The following DNAH1 variants were observed in gnomAD, a reference collection of about 807,000 sequenced individuals.
The protein encoded by DNAH1 is axonemal beta dynein heavy chain 1.
Under a neutral mutation model 484.3 loss-of-function variants are expected in DNAH1, and 327 were observed. That is an observed-to-expected ratio of 0.68 (90% CI 0.62 to 0.74). The LOEUF (loss-of-function observed/expected upper bound fraction) is 0.74. Among genes scored for constraint, DNAH1 ranks in the 30% least tolerant of loss-of-function variants. The pLI is 0.00. For missense variants in DNAH1, 5,052 were observed against 5,546.8 expected, an observed-to-expected ratio of 0.91 and a Z score of 2.83; for synonymous variants, 2,192 against 2,191.9, an observed-to-expected ratio of 1.00 and a Z score of 0.00.
In DNAH1 at chr3:52,373,257, C is replaced by A. The variant is rs1374659235; in HGVS notation, c.6985+204C>A. 2.7e-5 allele frequency among the ~76,000 whole-genome samples: 4 copies of A among 147,680 alleles called. No homozygotes were observed. In the East Asian group the frequency reaches 7.9e-4, roughly 29 times the overall value. The stretch of plus-strand genomic sequence containing the variant: ...CACGGCTGCCGCAGCCTCTGGAAGC[C>A]TGGAAAAGGGGAAGCGAGAGCAAGT... On this transcript the variant is annotated intron_variant, in intron 44 of 77. Transcript: ENST00000420323.
Position 52,328,102 on chromosome 3 carries a change from G to A in DNAH1, c.871+88G>A, listed in dbSNP as rs911184880. ...TCCTGGGCTCCCCTGGGACCTGGCAGCCACCGGAGGCGAGGGGTCTTTCAA... is the reference window on the plus strand; with the variant it reads ...TCCTGGGCTCCCCTGGGACCTGGCAACCACCGGAGGCGAGGGGTCTTTCAA... On this transcript the variant is annotated intron_variant, in intron 6 of 77. Coordinates refer to ENST00000420323, the MANE Select transcript of DNAH1 (RefSeq NM_015512.5). The A allele has an allele frequency of 7.2e-6, 11 of 1,535,104 alleles. No homozygotes were observed. In the Middle Eastern group the frequency reaches 1.5e-3, roughly 211 times the overall value.
At chr3:52,349,933 G>A (rs1702301699) in intron 14 of DNAH1, 56 bp from the exon 15 acceptor site, 1 of 1,551,050 alleles carries the variant, frequency 6.4e-7, no homozygotes, top group African/African-American at 1.4e-5. Flanking sequence ...AAGAGCAGGT[G>A]AGGGAAGGCA....
At chr3:52,323,002 T>G (rs2153222810) in intron 2 of DNAH1, among the ~76,000 whole-genome samples, 1 of 152,344 alleles carries the variant, frequency 6.6e-6, no homozygotes, top group Non-Finnish European at 1.5e-5. Flanking sequence ...AACTCATTAC[T>G]GAGCTCCTGC....
intron 60 of DNAH1, among the ~76,000 whole-genome samples, chr3:52,390,502 G>A (rs1264692321): frequency 3.3e-5 from 5 of 152,198 alleles, no homozygotes; most frequent in Non-Finnish European, 5.9e-5. Flanking sequence ...GGGAGAGTTG[G>A]CAAAGAGAGG....
In DNAH1 at chr3:52,394,661, G is replaced by A. The variant is rs775908803; in HGVS notation, c.10823G>A (p.Arg3608Gln). The change falls in exon 67 of 78, where the codon CGG becomes CAG. Residue 3608 changes from arginine (R) to glutamine (Q), a missense_variant and splice_region_variant. Arg to Gln is a conservative substitution (Grantham distance 43). Coordinates refer to ENST00000420323, the MANE Select transcript of DNAH1 (RefSeq NM_015512.5). ...RVIFDSLEPH[R>Q]EPLPGIWDQY... ...ATCTTCGACAGCCTTGAGCCCCACC[G>A]GTTAGCTGGGCCCCAGAATATGGCA... 38 of 1,561,472 alleles carry A rather than the reference G, an allele frequency of 2.4e-5. No homozygotes were observed. The highest frequency in any genetic ancestry group is 3.1e-5 in the Non-Finnish European group (36 of 1,150,012).
chr3:52,319,775 G>A (rs1171270186), intron 1 of DNAH1, among the ~76,000 whole-genome samples: 1 of 152,244 alleles, frequency 6.6e-6, no homozygotes, highest in African/African-American at 2.4e-5. Flanking sequence ...GGTGCACAGA[G>A]TTGGGGCAGG....
intron 4 of DNAH1, among the ~76,000 whole-genome samples, 188 bp from the exon 5 acceptor site, chr3:52,326,547 G>A (rs1324538257): frequency 1.3e-5 from 2 of 152,140 alleles, no homozygotes; most frequent in Admixed American, 1.3e-4. Flanking sequence ...CAGAAGGGCA[G>A]TTGGAGCCCA....
chr3:52,379,464 A>AG lies in DNAH1; in HGVS notation c.7378-436dup, dbSNP rs1190473474. Among the ~76,000 whole-genome samples, 1 of 152,006 alleles carries AG rather than the reference A, an allele frequency of 6.6e-6. No individual in the cohort carries two copies. Among genetic ancestry groups the AG allele is most frequent in the Non-Finnish European group, 1.5e-5 (1 of 67,994 alleles). ...CAGAGGCGGCAGCTGAGATGGAGAG[A>AG]GGGGGCAGGTTCAGAGGAGATTGGT... On this transcript the variant is annotated intron_variant, in intron 47 of 77. Coordinates refer to ENST00000420323, the MANE Select transcript of DNAH1 (RefSeq NM_015512.5). The surrounding 1 kb of genome is among the most constrained non-coding windows in gnomAD (Gnocchi z 4.4).
chr3:52,394,312 G>A (rs1009646368), intron 66 of DNAH1, among the ~76,000 whole-genome samples, 153 bp from the exon 67 acceptor site: 1 of 152,264 alleles, frequency 6.6e-6, no homozygotes, highest in East Asian at 1.9e-4. Flanking sequence ...GGCAGGGTGG[G>A]AACACTAACC....
In DNAH1 at chr3:52,356,612, A is replaced by G; in HGVS notation, c.3694-2A>G. The G allele has an allele frequency of 6.2e-7, 1 of 1,612,808 alleles. No homozygotes were observed. The highest frequency in any genetic ancestry group is 1.1e-5 in the South Asian group (1 of 91,046). ...ACCCCTCCCTGCCCCTCCCCTCCCCAGGAGGTTCTGGAGGAGTGGCTGAAC... is the reference window on the plus strand; with the variant it reads ...ACCCCTCCCTGCCCCTCCCCTCCCCGGGAGGTTCTGGAGGAGTGGCTGAAC... On this transcript the variant is annotated splice_acceptor_variant, in intron 21 of 77. Transcript: ENST00000420323. LOFTEE classifies it high-confidence loss of function.
intron 66 of DNAH1, 50 bp downstream of exon 66, chr3:52,393,535 C>T (rs1380331307): frequency 6.2e-7 from 1 of 1,605,888 alleles, no homozygotes; most frequent in Non-Finnish European, 8.5e-7. Flanking sequence ...GGCCCTGTGG[C>T]AGGGCCTGAG....
Position 52,363,012 on chromosome 3 carries a change from G to A in DNAH1, c.5112G>A (p.Val1704=). 1 of 1,613,952 alleles carries A rather than the reference G, an allele frequency of 6.2e-7. No individual in the cohort carries two copies. Among genetic ancestry groups the A allele is most frequent in the Non-Finnish European group, 8.5e-7 (1 of 1,179,858 alleles). The change falls in exon 32 of 78, where the codon GTG becomes GTA. Residue 1704 remains valine, a synonymous_variant. Transcript: ENST00000420323. ...PDNLKALFRP[V]AMMVPDYAMI... is the part of the protein sequence containing the mutation. Reference sequence around the variant, plus strand: ...TGTCCCAGGCGCTCTTCCGACCCGTGGCCATGATGGTTCCAGATTACGCCA... The same window carrying A: ...TGTCCCAGGCGCTCTTCCGACCCGTAGCCATGATGGTTCCAGATTACGCCA...
chr3:52,385,055 A>G, intron 53 of DNAH1, 78 bp downstream of exon 53: 1 of 1,472,702 alleles, frequency 6.8e-7, no homozygotes, highest in East Asian at 2.4e-5. Flanking sequence ...CTCCAGGGTG[A>G]CACCATGCTC....
rs756157075 is a variant in DNAH1 at position 52,381,661 on chromosome 3, T to C, written c.7630T>C (p.Tyr2544His). 1.9e-6 allele frequency: 3 copies of C among 1,606,774 alleles called. No individual in the cohort carries two copies. The highest frequency in any genetic ancestry group is 2.5e-6 in the Non-Finnish European group (3 of 1,176,986). Residue 2544 changes from tyrosine to histidine, a missense_variant, in exon 49 of 78, where the codon TAC becomes CAC. Physicochemically the swap from Tyr to His is moderately conservative, Grantham distance 83. Coordinates refer to ENST00000420323, the MANE Select transcript of DNAH1 (RefSeq NM_015512.5). The surrounding 1 kb of genome is among the most constrained non-coding windows in gnomAD (Gnocchi z 4.1). Reference sequence around the variant, plus strand: ...ACAGATGATGCAGGTGATAGAGGAGTACATAGAGGACTACAACCAGATCAA... The same window carrying C: ...ACAGATGATGCAGGTGATAGAGGAGCACATAGAGGACTACAACCAGATCAA... ...ESKMMQVIEE[Y>H]IEDYNQINTA...
chr3:52,374,175 AT>A, intron 44 of DNAH1: 1 of 1,282,134 alleles, frequency 7.8e-7, no homozygotes, highest in Non-Finnish European at 1.1e-6. Flanking sequence ...CAGATAAATA[AT>A]ATATTTTATA....
chr3:52,314,652 C>T (rs927870790), upstream of DNAH1, among the ~76,000 whole-genome samples: 5 of 152,214 alleles, frequency 3.3e-5, no homozygotes, highest in African/African-American at 1.2e-4. Context: ...TTGGGAGAAA[C>T]AGCAGTGACC....
rs775241538 is a variant in DNAH1, at chr3:52,372,893, C to G, written c.6828-3C>G. 2 of 1,610,700 alleles carry G rather than the reference C, an allele frequency of 1.2e-6. No individual in the cohort carries two copies. The highest frequency in any genetic ancestry group is 4.5e-5 in the East Asian group (2 of 44,668). ...GCTGGGCTCACACAGCCCCTCCCCT[C>G]AGGCGGAAGGGTGTGTTTGGACCAC... On this transcript the variant is annotated splice_region_variant and splice_polypyrimidine_tract_variant and intron_variant, in intron 43 of 77. Transcript: ENST00000420323.
At position 52,326,819 on chromosome 3, in the gene DNAH1, C is replaced by A. The variant is rs767198288; in HGVS notation, c.666C>A (p.His222Gln). ...GIDSNKLMPR[H>Q]LDHQHPQTIE... Reference sequence around the variant, plus strand: ...ACTCCAACAAGCTCATGCCCAGGCACCTGGACCACCAGCACCCCCAAACCA... The same window carrying A: ...ACTCCAACAAGCTCATGCCCAGGCAACTGGACCACCAGCACCCCCAAACCA... Residue 222 changes from histidine (H) to glutamine (Q), a missense_variant, in exon 5 of 78, where the codon CAC becomes CAA. By Grantham distance (24) the His-to-Gln change is conservative. Coordinates refer to ENST00000420323, the MANE Select transcript of DNAH1 (RefSeq NM_015512.5). 128 of 1,613,600 alleles carry A rather than the reference C, an allele frequency of 7.9e-5. No individual in the cohort carries two copies. Among genetic ancestry groups the A allele is most frequent in the Non-Finnish European group, 1.1e-4 (124 of 1,179,760 alleles).
chr3:52,354,816 C>A (rs762486485), intron 20 of DNAH1, 27 bp from the exon 21 acceptor site: 2 of 1,610,392 alleles, frequency 1.2e-6, no homozygotes, highest in Non-Finnish European at 1.7e-6. Flanking sequence ...CCTCCCAGGA[C>A]TCAGCCTGGC....
Sources: gnomAD v4.1 joint callset for allele counts (sites outside exome capture counted in the v4.1 genomes callset) on GRCh38, gnomAD v4.1.1 for gene constraint, Gnocchi (gnomAD v3.1) non-coding constraint, MANE v1.5 for transcripts, NCBI Gene and HGNC (gene_info 2026-07-23, HGNC 2026-07-21) for gene names.